Variants in EI24 observed in about 807,000 individuals in gnomAD.
The protein encoded by EI24 is EI24 autophagy associated transmembrane protein, also known as etoposide-induced protein 2.4 homolog.
In EI24, 21 loss-of-function variants were observed where a neutral mutation model predicts 48.6. The ratio of observed to expected loss-of-function variants is 0.43; its 90% CI spans 0.31 to 0.62. EI24 has a LOEUF of 0.62. Ranked by LOEUF, EI24 falls within the 20% of genes least tolerant of loss-of-function variation. The probability of loss-of-function intolerance (pLI) is 0.10; values close to 1 mark genes in which losing one functional copy is unlikely to be tolerated. For synonymous variants in EI24, 114 were observed against 145.5 expected (o/e 0.78, Z 1.56); for missense variants, 280 against 410.5 (o/e 0.68, Z 2.75).
chr11:125,577,845 T>TG, intron 5 of EI24: 2 of 566,078 alleles, frequency 3.5e-6, no homozygotes, highest in South Asian at 2.4e-5. Context: ...TAAACCCAGA[T>TG]GGTATCCTGC....
intron 5 of EI24, chr11:125,577,888 G>A (rs1335015934): frequency 1.5e-5 from 9 of 585,434 alleles, no homozygotes; most frequent in South Asian, 2.2e-5. Flanking sequence ...GTGGCATCTC[G>A]TTACCATCAT....
chr11:125,583,753 C>T lies in EI24; in HGVS notation c.*70C>T. On this transcript the variant is annotated 3_prime_UTR_variant, in exon 11 of 11. Coordinates refer to ENST00000278903, the MANE Select transcript of EI24 (RefSeq NM_004879.5). ...TGGCAGCTCTTTTCCCTGTTCACCT[C>T]CCGCCTGCCAGGGAAGGCAGGACCC... is the stretch of plus-strand genomic sequence containing the variant. 6.4e-7 allele frequency: 1 copy of T among 1,564,284 alleles called. No homozygotes were observed. The highest frequency in any genetic ancestry group is 8.7e-7 in the Non-Finnish European group (1 of 1,153,866).
At chr11:125,580,317 G>C in intron 8 of EI24, 113 bp downstream of exon 8, 1 of 787,244 alleles carries the variant, frequency 1.3e-6, no homozygotes, top group East Asian at 2.5e-5. Context: ...TCCTTTGAGG[G>C]AAGCAGCCTC....
intron 10 of EI24, among the ~76,000 whole-genome samples, chr11:125,583,107 C>CTT (rs981993729): frequency 1.4e-5 from 2 of 148,004 alleles, no homozygotes; most frequent in African/African-American, 4.9e-5. Context: ...CCAATGCATT[C>CTT]TTTTTTTTTT....
intron 2 of EI24, among the ~76,000 whole-genome samples, chr11:125,572,857 T>C (rs2135849469): frequency 6.6e-6 from 1 of 151,536 alleles, no homozygotes; most frequent in Non-Finnish European, 1.5e-5. Flanking sequence ...AACTTTTTAT[T>C]TTGGAATGTG....
Position 125,578,159 on chromosome 11 carries a change from T to C in EI24, c.343T>C (p.Trp115Arg). The part of the protein sequence containing the change: ...IGDPSLHGDV[W>R]SWLEFFLTSI... ...TGACCCATCACTACATGGAGATGTT[T>C]GGTCGTGGCTGGAATTCTTCCTCAC... The change falls in exon 6 of 11, where the codon TGG (tryptophan) becomes CGG (arginine). Residue 115 changes from tryptophan (W) to arginine (R), a missense_variant. Physicochemically the swap from Trp to Arg is moderately radical, Grantham distance 101 (BLOSUM62 -3). This residue lies in a region of EI24 where 204 missense variants were observed against 294.1 expected (regional missense o/e 0.69). Coordinates refer to ENST00000278903, the MANE Select transcript of EI24 (RefSeq NM_004879.5). 6.2e-7 allele frequency: 1 copy of C among 1,613,688 alleles called. No individual in the cohort carries two copies. Among genetic ancestry groups the C allele is most frequent in the Non-Finnish European group, 8.5e-7 (1 of 1,179,890 alleles).
At chr11:125,572,330 A>G (rs1938562292) in intron 1 of EI24, 128 bp from the exon 2 acceptor site, 1 of 583,670 alleles carries the variant, frequency 1.7e-6, no homozygotes. Flanking sequence ...GATTCACTCT[A>G]TTAGTGCTAG....
chr11:125,577,014 C>G (rs1018362367), intron 4 of EI24, among the ~76,000 whole-genome samples: 1 of 152,164 alleles, frequency 6.6e-6, no homozygotes. Flanking sequence ...AAGTTTGTAT[C>G]TCTCAATTGG....
At chr11:125,572,658 G>A (rs909423446) in intron 2 of EI24, 89 bp downstream of exon 2, 6 of 1,269,610 alleles carry the variant, frequency 4.7e-6, no homozygotes, top group South Asian at 1.3e-5. Flanking sequence ...AGGGTTTTTG[G>A]AACTTTTATC....
Position 125,582,341 on chromosome 11 carries a change from A to G in EI24, c.786-5A>G. The G allele has an allele frequency of 6.5e-7, 1 of 1,532,548 alleles. No individual in the cohort carries two copies. The allele number at this position is 1,532,548 out of a possible 1,614,324, so 94.9% of individuals were successfully genotyped here. A position where few individuals can be genotyped will look rare whatever the true frequency, so the allele number is the denominator to read the frequency against. On this transcript the variant is annotated splice_region_variant and splice_polypyrimidine_tract_variant and intron_variant, in intron 9 of 10. Coordinates refer to ENST00000278903, the MANE Select transcript of EI24 (RefSeq NM_004879.5). The stretch of plus-strand genomic sequence containing the variant: ...TAATTATTTCTTTTTTTTTTTTTTA[A>G]ACAGTGGCTGCCTTTTCTCTATCCT...
At chr11:125,573,272 A>G (rs1233379483) in intron 2 of EI24, among the ~76,000 whole-genome samples, 1 of 152,144 alleles carries the variant, frequency 6.6e-6, no homozygotes, top group Non-Finnish European at 1.5e-5. Context: ...AATGCCCTAT[A>G]AAGATCTGGT....
chr11:125,574,867 G>A (rs1322570968), intron 2 of EI24: 1 of 152,398 alleles, frequency 6.6e-6, no homozygotes, highest in African/African-American at 2.4e-5. Flanking sequence ...GTTTACTTGT[G>A]TGCTTTTCCT....
chr11:125,579,992 G>A (rs1028641008), intron 7 of EI24, 101 bp from the exon 8 acceptor site: 2 of 934,442 alleles, frequency 2.1e-6, no homozygotes, highest in Non-Finnish European at 3.5e-6. Context: ...AACTTGAGAA[G>A]CAGCTAGGAA....
chr11:125,573,417 G>C (rs1328911214), intron 2 of EI24: 17 of 194,468 alleles, frequency 8.7e-5, no homozygotes, highest in Non-Finnish European at 5.7e-5. Context: ...TCTTGGAGTG[G>C]GGAGGTTCTT....
intron 1 of EI24, chr11:125,570,459 A>G (rs1017750612): frequency 6.6e-6 from 1 of 152,266 alleles, no homozygotes; most frequent in Admixed American, 6.5e-5. Flanking sequence ...GAAGGATGTT[A>G]GGATCTAAGT....
chr11:125,579,191 G>A, intron 7 of EI24, 123 bp downstream of exon 7: 2 of 810,954 alleles, frequency 2.5e-6, no homozygotes, highest in South Asian at 4.8e-5. Flanking sequence ...GCTGGTGGGA[G>A]GTAATGATTT....
intron 10 of EI24, among the ~76,000 whole-genome samples, chr11:125,582,646 C>A (rs1325426137): frequency 6.6e-6 from 1 of 152,126 alleles, no homozygotes; most frequent in South Asian, 2.1e-4. Context: ...TATACATATT[C>A]AAGTAGAGGG....
chr11:125,572,828 T>C (rs1938581779), intron 2 of EI24, among the ~76,000 whole-genome samples: 1 of 128,620 alleles, frequency 7.8e-6, no homozygotes, highest in Non-Finnish European at 1.7e-5. Context: ...GCTTCAGAGC[T>C]TTTTTTTTTT....
At chr11:125,572,720 A>G (rs1225032353) in intron 2 of EI24, among the ~76,000 whole-genome samples, 151 bp downstream of exon 2, 1 of 151,848 alleles carries the variant, frequency 6.6e-6, no homozygotes, top group Admixed American at 6.6e-5. Flanking sequence ...CACACTACTC[A>G]AGAAATAGGT....
Sources: allele counts gnomAD v4.1 joint callset (sites outside exome capture counted in the v4.1 genomes callset), GRCh38; gene constraint gnomAD v4.1.1; regional missense constraint gnomAD v4.1.1; transcripts MANE v1.5; gene names NCBI Gene and HGNC (gene_info 2026-07-23, HGNC 2026-07-21).